The following IQSEC1 variants were observed in gnomAD, a reference collection of about 807,000 sequenced individuals.
IQSEC1 encodes IQ motif and SEC7 domain-containing protein 1.
IQSEC1 carries 31 observed loss-of-function variants against 91.0 expected under a neutral mutation model. The ratio of observed to expected loss-of-function variants is 0.34; its 90% CI spans 0.26 to 0.46. IQSEC1 has a LOEUF of 0.46. Among genes scored for constraint, IQSEC1 ranks in the 20% least tolerant of loss-of-function variants. The probability of loss-of-function intolerance (pLI) is 1.00; values close to 1 mark genes in which losing one functional copy is unlikely to be tolerated. For missense variants in IQSEC1, 1,388 were observed against 1,575.6 expected (o/e 0.88, Z 2.02); for synonymous variants, 699 against 662.6 (o/e 1.05, Z -0.84).
At chr3:12,977,523 C>T (rs1032386544) in intron 1 of IQSEC1, among the ~76,000 whole-genome samples, 1 of 152,208 alleles carries the variant, frequency 6.6e-6, no homozygotes, top group African/African-American at 2.4e-5. Flanking sequence ...AGGGCTTGCC[C>T]TCCTTCAGAA....
At chr3:13,055,404 T>C (rs562384965) in intron 1 of IQSEC1, among the ~76,000 whole-genome samples, 1 of 152,326 alleles carries the variant, frequency 6.6e-6, no homozygotes, top group African/African-American at 2.4e-5. Flanking sequence ...TTTGAAATGA[T>C]GCTTCATCCA....
In IQSEC1 at chr3:13,254,315, G is replaced by A. The variant is rs554644085; in HGVS notation, c.272+28396C>T. ...GGTCCTGAGGCCTCGCTGGCCAGGA[G>A]GTGCCCAGGCTGGACACGGAGGCCT... On this transcript the variant is annotated intron_variant, in intron 1 of 15. Transcript: ENST00000648114. 1.2e-4 allele frequency among the ~76,000 whole-genome samples: 19 copies of A among 152,334 alleles called. No homozygotes were observed. The South Asian group carries it at 3.7e-3, about 30-fold the overall frequency.
chr3:12,897,711 TGCGGGCACAGA>T lies in IQSEC1; in HGVS notation c.*3261_*3271del, dbSNP rs1443209041. 6.6e-6 allele frequency: 1 copy of T among 152,210 alleles called. No individual in the cohort carries two copies. The highest frequency in any genetic ancestry group is 1.5e-5 in the Non-Finnish European group (1 of 68,050). The allele number at this position is 152,210 out of a possible 1,614,324, so 9.4% of individuals were successfully genotyped here. A position where few individuals can be genotyped will look rare whatever the true frequency, so the allele number is the denominator to read the frequency against. ...AACTGTAAGACTGTGCGTGCTTACC[TGCGGGCACAGA>T]GCTTCCCGTGGCGCTGAGTCAACAC... On this transcript the variant is annotated 3_prime_UTR_variant, in exon 14 of 14. Coordinates refer to ENST00000613206, the MANE Select transcript of IQSEC1 (RefSeq NM_001134382.3).
In IQSEC1 at chr3:13,181,697, A is replaced by G. The variant is rs531480890; in HGVS notation, c.273-17564T>C. Reference sequence around the variant, plus strand: ...TGGAGGCAGAGAGAACAGCAGGGCCACAAAGGAGGAGGAAACCCAAATACC... The same window carrying G: ...TGGAGGCAGAGAGAACAGCAGGGCCGCAAAGGAGGAGGAAACCCAAATACC... On this transcript the variant is annotated intron_variant, in intron 1 of 15. Coordinates refer to the IQSEC1 transcript ENST00000648114. Among the ~76,000 whole-genome samples, 8 of 152,386 alleles carry G rather than the reference A, an allele frequency of 5.2e-5. No homozygotes were observed. The South Asian group carries it at 1.7e-3, about 32-fold the overall frequency.
chr3:13,252,728 GTTTT>G (rs558834911), intron 1 of IQSEC1, among the ~76,000 whole-genome samples: 2 of 117,954 alleles, frequency 1.7e-5, no homozygotes, highest in African/African-American at 1.0e-4. Flanking sequence ...GTTTTTTTTT[GTTTT>G]TGTTTGTTTG....
intron 3 of IQSEC1, among the ~76,000 whole-genome samples, chr3:12,931,850 T>C (rs1697706482): frequency 6.6e-6 from 1 of 152,130 alleles, no homozygotes; most frequent in Non-Finnish European, 1.5e-5. Context: ...CAGGGCCCTG[T>C]GCTGGAAGGG....
rs925382721 is a variant in IQSEC1, at chr3:12,899,915, C to T, written c.*1068G>A. 2.0e-6 allele frequency: 2 copies of T among 985,064 alleles called. No individual in the cohort carries two copies. Among genetic ancestry groups the T allele is most frequent in the Admixed American group, 6.2e-5 (1 of 16,252 alleles). The allele number at this position is 985,064 out of a possible 1,614,324, so 61.0% of individuals were successfully genotyped here. ...TGAACACTTCTGCCGTGTATGGGTGCCCCTCTCGGAGGACTCTGAATGAGT... is the reference window on the plus strand; with the variant it reads ...TGAACACTTCTGCCGTGTATGGGTGTCCCTCTCGGAGGACTCTGAATGAGT... On this transcript the variant is annotated 3_prime_UTR_variant, in exon 14 of 14. Transcript: ENST00000613206.
At chr3:13,187,267 TCACCTTTCCCACAG>T (rs1327252321) in intron 1 of IQSEC1, among the ~76,000 whole-genome samples, 2 of 152,024 alleles carry the variant, frequency 1.3e-5, no homozygotes, top group Non-Finnish European at 2.9e-5. Context: ...TGTACACAGA[TCACCTTTCCCACAG>T]CACGGCTGAT....
chr3:12,952,106 G>A (rs1337671334), intron 1 of IQSEC1, among the ~76,000 whole-genome samples: 5 of 152,160 alleles, frequency 3.3e-5, no homozygotes, highest in African/African-American at 7.2e-5. Flanking sequence ...AGGGCGTGGC[G>A]GGAGAAGGTG....
Position 12,911,809 on chromosome 3 carries a change from C to A in IQSEC1, c.2317-81G>T. 2 of 967,382 alleles carry A rather than the reference C, an allele frequency of 2.1e-6. 1 individual carries two copies. Among genetic ancestry groups the A allele is most frequent in the South Asian group, 2.6e-5 (2 of 76,108 alleles). The allele number at this position is 967,382 out of a possible 1,614,324, so 59.9% of individuals were successfully genotyped here. A position where few individuals can be genotyped will look rare whatever the true frequency, so the allele number is the denominator to read the frequency against. ...GTGGGACCTCTGGTCAGAGGATCCT[C>A]CTGGAGTTCAAAGTCAGGAGGACAG... On this transcript the variant is annotated intron_variant, in intron 9 of 13. Coordinates refer to ENST00000613206, the MANE Select transcript of IQSEC1 (RefSeq NM_001134382.3).
intron 1 of IQSEC1, among the ~76,000 whole-genome samples, chr3:13,047,883 TC>T (rs558898329): frequency 6.6e-6 from 1 of 152,150 alleles, no homozygotes; most frequent in Non-Finnish European, 1.5e-5. Flanking sequence ...CCATGCTCCT[TC>T]CCCAAAGAGC....
In IQSEC1 at chr3:13,103,594, C is replaced by T. The variant is rs1016580300; in HGVS notation, c.303-56072G>A. ...AGCAGCAGCTGGCAAGAGCCAGAGC[C>T]GAGTGTGCCATTGGGGTGGGCAATT... is the stretch of plus-strand genomic sequence containing the variant. On this transcript the variant is annotated intron_variant, in intron 2 of 15. Coordinates refer to the IQSEC1 transcript ENST00000648114. This position sits in a 1 kb window ranked among gnomAD's most constrained non-coding sequence, Gnocchi z 4.1. Among the ~76,000 whole-genome samples, 4 of 152,084 alleles carry T rather than the reference C, an allele frequency of 2.6e-5. No individual in the cohort carries two copies. The highest frequency in any genetic ancestry group is 2.1e-4 in the South Asian group (1 of 4,832).
chr3:13,210,702 A>G (rs1170931853), intron 1 of IQSEC1, among the ~76,000 whole-genome samples: 1 of 152,164 alleles, frequency 6.6e-6, no homozygotes, highest in East Asian at 1.9e-4. Context: ...CCTAAGAAGG[A>G]GAGTGTCTCG....
intron 2 of IQSEC1, among the ~76,000 whole-genome samples, chr3:13,095,271 C>T (rs73014648): frequency 0.025 from 3,865 of 152,010 alleles, 87 homozygotes; most frequent in South Asian, 0.11. Flanking sequence ...GGTCAATCCC[C>T]GACCCCCACC....
At chr3:13,135,708 G>A (rs528083283) in intron 2 of IQSEC1, among the ~76,000 whole-genome samples, 1 of 152,340 alleles carries the variant, frequency 6.6e-6, no homozygotes, top group East Asian at 1.9e-4. Context: ...ACAGGACACT[G>A]GAGGGGACGA....
At chr3:13,113,565 G>A (rs1411564654) in intron 2 of IQSEC1, among the ~76,000 whole-genome samples, 1 of 134,044 alleles carries the variant, frequency 7.5e-6, no homozygotes, top group African/African-American at 2.9e-5. Flanking sequence ...CACTGCCCTG[G>A]GCATAGGGAG....
chr3:13,063,013 C>T (rs139160368), intron 1 of IQSEC1, among the ~76,000 whole-genome samples: 2 of 152,330 alleles, frequency 1.3e-5, no homozygotes, highest in East Asian at 3.9e-4. Context: ...TAAAGGGGGA[C>T]GGGCATCTCT....
chr3:13,043,566 A>G (rs181342925), intron 1 of IQSEC1, among the ~76,000 whole-genome samples: 101 of 152,294 alleles, frequency 6.6e-4, no homozygotes, highest in Non-Finnish European at 1.0e-3. Flanking sequence ...AGCCCCCTTC[A>G]GCCACTACCC....
chr3:12,957,818 T>A (rs1700008286), intron 1 of IQSEC1, among the ~76,000 whole-genome samples: 2 of 152,244 alleles, frequency 1.3e-5, no homozygotes, highest in Non-Finnish European at 2.9e-5. Flanking sequence ...ACAGCCACTA[T>A]CAACATCCAC....
Sources: gnomAD v4.1 joint callset for allele counts (sites outside exome capture counted in the v4.1 genomes callset) on GRCh38, gnomAD v4.1.1 for gene constraint, Gnocchi (gnomAD v3.1) non-coding constraint, MANE v1.5 for transcripts, NCBI Gene and HGNC (gene_info 2026-07-23, HGNC 2026-07-21) for gene names.